PRKCA: variants seen among roughly 807,000 people sequenced by gnomAD.
The protein encoded by PRKCA is protein kinase C alpha type.
A neutral mutation model predicts 87.0 loss-of-function variants in PRKCA; 27 were observed. The ratio of observed to expected loss-of-function variants is 0.31; its 90% CI spans 0.23 to 0.43. PRKCA has a LOEUF of 0.43. Ranked by LOEUF, PRKCA falls within the 20% of genes least tolerant of loss-of-function variation. The pLI is 1.00. For synonymous variants in PRKCA, 329 were observed against 311.1 expected (o/e 1.06, Z -0.61); for missense variants, 518 against 852.3 (o/e 0.61, Z 4.88).
chr17:66,403,655 C>G (rs1251926722), intron 2 of PRKCA: 1 of 152,072 alleles, frequency 6.6e-6, no homozygotes, highest in South Asian at 2.1e-4. Context: ...GTAGGGATAT[C>G]TTTATTAATA....
intron 5 of PRKCA, among the ~76,000 whole-genome samples, chr17:66,647,924 T>TTAA (rs141793675): frequency 0.098 from 14,930 of 151,904 alleles, 782 homozygotes; most frequent in Middle Eastern, 0.17. Context: ...GCAAGTTTAA[T>TTAA]TAATAATAAT....
intron 8 of PRKCA, among the ~76,000 whole-genome samples, chr17:66,693,152 T>C (rs973394469): frequency 6.6e-6 from 1 of 152,210 alleles, no homozygotes; most frequent in African/African-American, 2.4e-5. Flanking sequence ...AACAGAATGA[T>C]CAGTGACTGG....
chr17:66,310,015 C>T (rs9909004), intron 2 of PRKCA, among the ~76,000 whole-genome samples: 89,671 of 151,938 alleles, frequency 0.59, 26,704 homozygotes, highest in African/African-American at 0.65. Flanking sequence ...ACAGTGTTAT[C>T]CACTGCTTTC....
At chr17:66,364,730 G>A (rs1567791373) in intron 2 of PRKCA, among the ~76,000 whole-genome samples, 2 of 152,126 alleles carry the variant, frequency 1.3e-5, no homozygotes, top group Non-Finnish European at 2.9e-5. Context: ...GGCTGCTGAC[G>A]GGGCTCCCTC....
At chr17:66,698,063 T>A (rs1263882802) in intron 8 of PRKCA, among the ~76,000 whole-genome samples, 1 of 152,126 alleles carries the variant, frequency 6.6e-6, no homozygotes, top group African/African-American at 2.4e-5. Flanking sequence ...ATTAAGAAAG[T>A]CTCATTATCC....
chr17:66,378,186 G>T (rs961147971), intron 2 of PRKCA, among the ~76,000 whole-genome samples: 1 of 152,092 alleles, frequency 6.6e-6, no homozygotes, highest in Admixed American at 6.5e-5. Context: ...AGCTGGCTGT[G>T]GTGGCGTGTG....
intron 3 of PRKCA, among the ~76,000 whole-genome samples, chr17:66,560,737 C>G (rs1177035223): frequency 1.3e-5 from 2 of 152,208 alleles, no homozygotes; most frequent in Admixed American, 1.3e-4. Context: ...TTCGAATCAC[C>G]TGAGGAACTT....
intron 2 of PRKCA, among the ~76,000 whole-genome samples, chr17:66,372,931 C>T (rs912015056): frequency 4.6e-5 from 7 of 152,016 alleles, no homozygotes; most frequent in African/African-American, 1.2e-4. Context: ...GTGGCGGGCA[C>T]CTATAATCCC....
intron 3 of PRKCA, among the ~76,000 whole-genome samples, chr17:66,538,461 C>T (rs1371440297): frequency 1.3e-5 from 2 of 152,022 alleles, no homozygotes; most frequent in Non-Finnish European, 2.9e-5. Flanking sequence ...TTGCGTTTGT[C>T]ACCAGGGAGG....
intron 2 of PRKCA, among the ~76,000 whole-genome samples, chr17:66,347,373 AAAG>A (rs548806311): frequency 6.6e-6 from 1 of 151,276 alleles, no homozygotes; most frequent in Non-Finnish European, 1.5e-5. Flanking sequence ...GTAATTGAAA[AAAG>A]GAGGGAATAT....
intron 2 of PRKCA, among the ~76,000 whole-genome samples, chr17:66,492,511 T>A (rs747897741): frequency 9.5e-4 from 145 of 152,326 alleles, no homozygotes; most frequent in Non-Finnish European, 1.4e-3. Flanking sequence ...TGGTTTTTTT[T>A]AAAAAGAGAT....
At chr17:66,501,371 G>C (rs1309902770) in intron 3 of PRKCA, among the ~76,000 whole-genome samples, 2 of 152,222 alleles carry the variant, frequency 1.3e-5, no homozygotes, top group African/African-American at 4.8e-5. Flanking sequence ...TTCTGGATGA[G>C]ATGGCATTCT....
At chr17:66,752,532 G>A (rs1227451125) in intron 13 of PRKCA, among the ~76,000 whole-genome samples, 2 of 152,152 alleles carry the variant, frequency 1.3e-5, no homozygotes, top group East Asian at 1.9e-4. Context: ...TGGGAGGTGG[G>A]GGCTGTGGTG....
chr17:66,490,257 C>T (rs1475143735), intron 2 of PRKCA, among the ~76,000 whole-genome samples: 1 of 151,836 alleles, frequency 6.6e-6, no homozygotes, highest in Non-Finnish European at 1.5e-5. Context: ...TAAGATTTAC[C>T]ATTTTAACCA....
intron 2 of PRKCA, among the ~76,000 whole-genome samples, chr17:66,363,874 T>C (rs1016173075): frequency 6.6e-6 from 1 of 152,172 alleles, no homozygotes; most frequent in Non-Finnish European, 1.5e-5. Context: ...GGCTAATTTT[T>C]GTATTTTTAG....
intron 2 of PRKCA, among the ~76,000 whole-genome samples, chr17:66,393,612 G>A (rs1169208648): frequency 1.3e-5 from 2 of 151,386 alleles, no homozygotes; most frequent in African/African-American, 4.9e-5. Flanking sequence ...CCTGCAGGAG[G>A]CCTCTCGGCC....
chr17:66,631,190 A>G (rs1209816828), intron 3 of PRKCA, among the ~76,000 whole-genome samples: 1 of 152,228 alleles, frequency 6.6e-6, no homozygotes, highest in Non-Finnish European at 1.5e-5. Context: ...TGTTAGCAGT[A>G]TAATCTAGTC....
At chr17:66,436,525 G>A (rs796867064) in intron 2 of PRKCA, among the ~76,000 whole-genome samples, 4 of 152,182 alleles carry the variant, frequency 2.6e-5, no homozygotes, top group Non-Finnish European at 5.9e-5. Flanking sequence ...CTTTTATTAC[G>A]GTGAATATTC....
chr17:66,451,311 T>A (rs1021574001), intron 2 of PRKCA, among the ~76,000 whole-genome samples: 6 of 152,102 alleles, frequency 3.9e-5, no homozygotes, highest in African/African-American at 1.4e-4. Flanking sequence ...ATTCCATTCT[T>A]TAATTTCAAA....
Sources: allele counts gnomAD v4.1 joint callset (sites outside exome capture counted in the v4.1 genomes callset), GRCh38; gene constraint gnomAD v4.1.1; transcripts MANE v1.5; gene names NCBI Gene and HGNC (gene_info 2026-07-23, HGNC 2026-07-21).